The following DGKI variants were observed in gnomAD, a reference collection of about 807,000 sequenced individuals.
DGKI encodes DAG kinase iota.
In DGKI, 55 loss-of-function variants were observed where a neutral mutation model predicts 147.5. The observed-to-expected ratio is 0.37, with a 90% CI of 0.30 to 0.47. DGKI has a LOEUF of 0.47. Among genes scored for constraint, DGKI ranks in the 20% least tolerant of loss-of-function variants. The pLI, the probability that DGKI is intolerant of heterozygous loss-of-function variation, is 1.00. For synonymous variants in DGKI, 469 were observed against 477.1 expected, an observed-to-expected ratio of 0.98 and a Z score of 0.22; for missense variants, 1,007 against 1,323.8, an observed-to-expected ratio of 0.76 and a Z score of 3.71.
At chr7:137,674,202 C>T (rs1822947890) in intron 3 of DGKI, among the ~76,000 whole-genome samples, 1 of 152,172 alleles carries the variant, frequency 6.6e-6, no homozygotes, top group Non-Finnish European at 1.5e-5. Context: ...CGTATCTGCT[C>T]ACAGGTATTC....
chr7:137,392,056 C>T (rs978876626), intron 32 of DGKI, among the ~76,000 whole-genome samples: 3 of 152,212 alleles, frequency 2.0e-5, no homozygotes, highest in Non-Finnish European at 2.9e-5. Flanking sequence ...TGCCTCTATA[C>T]GTATTTTTAT....
intron 1 of DGKI, among the ~76,000 whole-genome samples, chr7:137,830,655 C>T (rs543351658): frequency 6.6e-6 from 1 of 152,250 alleles, no homozygotes; most frequent in South Asian, 2.1e-4. Context: ...GGAGATGGTG[C>T]AGTCTAAAGA....
At chr7:137,427,715 G>A (rs1036957285) in intron 28 of DGKI, among the ~76,000 whole-genome samples, 10 of 151,814 alleles carry the variant, frequency 6.6e-5, no homozygotes, top group African/African-American at 2.4e-4. Flanking sequence ...ATGATAAAGG[G>A]GATATCACCA....
At chr7:137,464,606 A>G (rs908628978) in intron 26 of DGKI, among the ~76,000 whole-genome samples, 19 of 152,228 alleles carry the variant, frequency 1.2e-4, no homozygotes, top group Non-Finnish European at 2.6e-4. Flanking sequence ...ACAGCTTGCT[A>G]TCAGGCCATG....
intron 28 of DGKI, among the ~76,000 whole-genome samples, chr7:137,421,710 T>C (rs942709933): frequency 6.6e-6 from 1 of 152,234 alleles, no homozygotes; most frequent in Non-Finnish European, 1.5e-5. Flanking sequence ...GTTCCACTTC[T>C]GCGATTAAGT....
At chr7:137,754,026 T>C (rs1362331112) in intron 1 of DGKI, among the ~76,000 whole-genome samples, 1 of 151,970 alleles carries the variant, frequency 6.6e-6, no homozygotes, top group Non-Finnish European at 1.5e-5. Context: ...AACTGGGAAC[T>C]ATGTTGTCAG....
At position 137,540,198 on chromosome 7, in the gene DGKI, T is replaced by C. The variant is rs142470120; in HGVS notation, c.2147+12171A>G. Among the ~76,000 whole-genome samples the C allele has an allele frequency of 2.5e-3, 380 of 152,302 alleles. 4 individuals are homozygous for C. The highest frequency in any genetic ancestry group is 8.7e-3 in the African/African-American group (363 of 41,574). ...ATAATACCCTAATCTTTTCCAGATA[T>C]GCTGACAAAACACTTCAACAAAAAT... On this transcript the variant is annotated intron_variant, in intron 20 of 32. Coordinates refer to ENST00000614521, the MANE Select transcript of DGKI (RefSeq NM_001321708.2).
Position 137,485,426 on chromosome 7 carries a change from G to C in DGKI, c.2329-8C>G. The C allele has an allele frequency of 6.3e-7, 1 of 1,589,336 alleles. No individual in the cohort carries two copies. On this transcript the variant is annotated splice_region_variant and splice_polypyrimidine_tract_variant and intron_variant, in intron 22 of 32. Coordinates refer to ENST00000614521, the MANE Select transcript of DGKI (RefSeq NM_001321708.2). Reference sequence around the variant, plus strand: ...AGAAACTGACTGTAGGTCCTAATGAGAAAATGAAAAAAAAAATCCATACCT... The same window carrying C: ...AGAAACTGACTGTAGGTCCTAATGACAAAATGAAAAAAAAAATCCATACCT...
At chr7:137,818,212 C>T (rs1797794012) in intron 1 of DGKI, among the ~76,000 whole-genome samples, 1 of 152,154 alleles carries the variant, frequency 6.6e-6, no homozygotes, top group South Asian at 2.1e-4. Context: ...TGAAGTTGGT[C>T]CAAACTGCTC....
chr7:137,440,042 A>C (rs1813436444), intron 28 of DGKI, among the ~76,000 whole-genome samples: 1 of 152,236 alleles, frequency 6.6e-6, no homozygotes, highest in African/African-American at 2.4e-5. Context: ...AGGAGCCTGT[A>C]AAATAAGCAG....
chr7:137,810,861 A>G (rs1200006825), intron 1 of DGKI, among the ~76,000 whole-genome samples: 1 of 152,204 alleles, frequency 6.6e-6, no homozygotes, highest in African/African-American at 2.4e-5. Flanking sequence ...ACTCAAATAT[A>G]CAAAGCCAGG....
chr7:137,608,433 A>C (rs1317447018), intron 10 of DGKI, among the ~76,000 whole-genome samples: 2 of 152,156 alleles, frequency 1.3e-5, no homozygotes, highest in Non-Finnish European at 2.9e-5. Context: ...AAATGAGATA[A>C]GTATCTGTAC....
intron 1 of DGKI, among the ~76,000 whole-genome samples, chr7:137,733,444 A>G (rs1411407934): frequency 2.6e-5 from 4 of 152,142 alleles, no homozygotes; most frequent in African/African-American, 9.7e-5. Context: ...AAGGCCAAAT[A>G]GTATTCCATT....
chr7:137,597,709 A>C, intron 12 of DGKI, 138 bp downstream of exon 12: 1 of 756,810 alleles, frequency 1.3e-6, no homozygotes, highest in Non-Finnish European at 2.2e-6. Context: ...TGTTACTCTT[A>C]GGGGCTATGA....
At chr7:137,738,336 C>T (rs1188238612) in intron 1 of DGKI, among the ~76,000 whole-genome samples, 1 of 152,048 alleles carries the variant, frequency 6.6e-6, no homozygotes, top group Non-Finnish European at 1.5e-5. Context: ...CATACCTCTA[C>T]ACAATTATAT....
chr7:137,773,693 A>G (rs912131447), intron 1 of DGKI, among the ~76,000 whole-genome samples: 2 of 152,220 alleles, frequency 1.3e-5, no homozygotes, highest in Non-Finnish European at 2.9e-5. Flanking sequence ...AAGAAAACCA[A>G]GCCAATAATG....
intron 1 of DGKI, among the ~76,000 whole-genome samples, chr7:137,711,480 CTA>C (rs1449095378): frequency 6.6e-6 from 1 of 152,026 alleles, no homozygotes; most frequent in East Asian, 1.9e-4. Context: ...ACAGTGGTGA[CTA>C]AAAGTGTTAA....
chr7:137,692,928 GACAT>G (rs1237478231), intron 1 of DGKI, among the ~76,000 whole-genome samples: 1 of 152,036 alleles, frequency 6.6e-6, no homozygotes, highest in African/African-American at 2.4e-5. Flanking sequence ...CTCACAAAAG[GACAT>G]ACAAATAGAA....
At chr7:137,710,380 T>A (rs1794176008) in intron 1 of DGKI, among the ~76,000 whole-genome samples, 1 of 152,108 alleles carries the variant, frequency 6.6e-6, no homozygotes, top group South Asian at 2.1e-4. Flanking sequence ...CAAGACCTGT[T>A]ATAATCCATT....
Sources: gnomAD v4.1 joint callset for allele counts (sites outside exome capture counted in the v4.1 genomes callset) on GRCh38, gnomAD v4.1.1 for gene constraint, MANE v1.5 for transcripts, NCBI Gene and HGNC (gene_info 2026-07-23, HGNC 2026-07-21) for gene names.